The following FRAS1 variants were observed in gnomAD, a reference collection of about 807,000 sequenced individuals.
The protein encoded by FRAS1 is Fraser extracellular matrix complex subunit 1.
A neutral mutation model predicts 435.2 loss-of-function variants in FRAS1; 290 were observed. The observed-to-expected ratio is 0.67, with a 90% CI of 0.61 to 0.73. The LOEUF is 0.73. FRAS1 is among the 30% of genes least tolerant of loss of function. The pLI, the probability that FRAS1 is intolerant of heterozygous loss-of-function variation, is 0.00. For synonymous variants in FRAS1, 1,800 were observed against 1,851.0 expected (o/e 0.97, Z 0.71); for missense variants, 4,860 against 5,001.5 (o/e 0.97, Z 0.85).
intron 2 of FRAS1, among the ~76,000 whole-genome samples, chr4:78,092,899 T>C (rs1741605759): frequency 6.6e-6 from 1 of 152,218 alleles, no homozygotes; most frequent in African/African-American, 2.4e-5. Context: ...CTTTTCTATA[T>C]AACCCAGGTG....
intron 14 of FRAS1, among the ~76,000 whole-genome samples, chr4:78,303,663 T>C (rs1358652260): frequency 2.0e-5 from 3 of 152,154 alleles, no homozygotes; most frequent in Non-Finnish European, 1.5e-5. Context: ...GTTTGTCTGT[T>C]GTTGGTGTAT....
chr4:78,219,766 G>T (rs184111640), intron 2 of FRAS1, among the ~76,000 whole-genome samples: 194 of 152,258 alleles, frequency 1.3e-3, no homozygotes, highest in African/African-American at 4.4e-3. Flanking sequence ...GCCTATTTTT[G>T]CTGCCACTCC....
At chr4:78,072,911 C>T (rs763237716) in intron 2 of FRAS1, among the ~76,000 whole-genome samples, 15 of 152,018 alleles carry the variant, frequency 9.9e-5, no homozygotes, top group African/African-American at 1.9e-4. Context: ...CAAACAGAAT[C>T]GGGATGAGTT....
At chr4:78,138,562 TAAG>T (rs1720025025) in intron 2 of FRAS1, among the ~76,000 whole-genome samples, 1 of 152,222 alleles carries the variant, frequency 6.6e-6, no homozygotes, top group African/African-American at 2.4e-5. Flanking sequence ...CCAGCCTTGA[TAAG>T]AAGATCACAA....
chr4:78,503,620 T>C (rs6813790), intron 61 of FRAS1, among the ~76,000 whole-genome samples: 104,782 of 152,038 alleles, frequency 0.69, 36,695 homozygotes, highest in African/African-American at 0.82. Context: ...CTTTATTAGT[T>C]TTGCTAGTGG....
chr4:78,344,015 A>G (rs1253121486), intron 20 of FRAS1, among the ~76,000 whole-genome samples: 1 of 151,356 alleles, frequency 6.6e-6, no homozygotes, highest in Non-Finnish European at 1.5e-5. Flanking sequence ...TGATCACCAA[A>G]TCCTACCCAT....
intron 18 of FRAS1, among the ~76,000 whole-genome samples, chr4:78,330,019 T>G (rs1229121150): frequency 6.6e-6 from 1 of 152,140 alleles, no homozygotes; most frequent in Non-Finnish European, 1.5e-5. Flanking sequence ...CAAGCCTTCA[T>G]CGCCATGGCA....
chr4:78,304,534 A>C (rs1044521123), intron 14 of FRAS1, among the ~76,000 whole-genome samples: 29 of 152,060 alleles, frequency 1.9e-4, no homozygotes, highest in Non-Finnish European at 7.4e-5. Flanking sequence ...TTATTGCCAC[A>C]ATTTCAGCTC....
intron 3 of FRAS1, among the ~76,000 whole-genome samples, chr4:78,240,679 T>A (rs1359186399): frequency 1.3e-5 from 2 of 152,192 alleles, no homozygotes; most frequent in Non-Finnish European, 2.9e-5. Context: ...ATAATGTAGC[T>A]GTCATCAGCA....
intron 1 of FRAS1, among the ~76,000 whole-genome samples, chr4:78,058,640 G>T (rs145745269): frequency 1.1e-4 from 17 of 152,296 alleles, no homozygotes; most frequent in African/African-American, 4.1e-4. Flanking sequence ...AATCTCTCCA[G>T]TACGGAGAAG....
intron 2 of FRAS1, among the ~76,000 whole-genome samples, chr4:78,097,740 G>C (rs1303654621): frequency 6.6e-6 from 1 of 152,186 alleles, no homozygotes; most frequent in Non-Finnish European, 1.5e-5. Flanking sequence ...TGGGAATTCT[G>C]GGAGCTACAA....
chr4:78,175,498 G>A (rs1006951670), intron 2 of FRAS1, among the ~76,000 whole-genome samples: 2 of 152,192 alleles, frequency 1.3e-5, no homozygotes, highest in African/African-American at 4.8e-5. Flanking sequence ...CCTGAACTGG[G>A]TGATTTGAGG....
intron 2 of FRAS1, among the ~76,000 whole-genome samples, chr4:78,115,907 T>C (rs1743134304): frequency 6.6e-6 from 1 of 152,226 alleles, no homozygotes; most frequent in South Asian, 2.1e-4. Flanking sequence ...CTCTAGTTGT[T>C]TTAATTGTGA....
At chr4:78,397,944 T>A (rs1732737753) in intron 29 of FRAS1, among the ~76,000 whole-genome samples, 1 of 152,084 alleles carries the variant, frequency 6.6e-6, no homozygotes, top group South Asian at 2.1e-4. Context: ...CTTACCCTCT[T>A]CAATGCATCT....
chr4:78,195,766 G>A (rs1346383084), intron 2 of FRAS1, among the ~76,000 whole-genome samples: 2 of 152,018 alleles, frequency 1.3e-5, no homozygotes, highest in African/African-American at 2.4e-5. Flanking sequence ...CACTCAGTGC[G>A]CTGCACCCAC....
At chr4:78,277,704 A>T (rs987420202) in intron 9 of FRAS1, among the ~76,000 whole-genome samples, 2 of 152,210 alleles carry the variant, frequency 1.3e-5, no homozygotes, top group African/African-American at 4.8e-5. Context: ...TTTGTAAAAA[A>T]ATAAAAATTT....
rs200430931 is a variant in FRAS1, at chr4:78,374,267, C to T, written c.3151+16C>T. 1 of 1,370,798 alleles carries T rather than the reference C, an allele frequency of 7.3e-7. No individual in the cohort carries two copies. Among genetic ancestry groups the T allele is most frequent in the Non-Finnish European group, 1.0e-6 (1 of 998,492 alleles). The allele number at this position is 1,370,798 out of a possible 1,614,324, so 84.9% of individuals were successfully genotyped here. A position where few individuals can be genotyped will look rare whatever the true frequency, so the allele number is the denominator to read the frequency against. On this transcript the variant is annotated intron_variant, in intron 25 of 73. Coordinates refer to ENST00000512123, the MANE Select transcript of FRAS1 (RefSeq NM_025074.7). ...AAATGCACAGGTAACTTGGAGACTG[C>T]TGATTATTCTGGAAAGAAGTGAGGG...
At chr4:78,243,676 A>T (rs1214434002) in intron 3 of FRAS1, among the ~76,000 whole-genome samples, 3 of 151,836 alleles carry the variant, frequency 2.0e-5, no homozygotes, top group Non-Finnish European at 4.4e-5. Flanking sequence ...ATATATATAC[A>T]CACAAACACA....
intron 27 of FRAS1, among the ~76,000 whole-genome samples, chr4:78,380,359 G>A (rs112324584): frequency 8.8e-4 from 131 of 149,518 alleles, no homozygotes; most frequent in Admixed American, 2.4e-3. Context: ...CAGAGAGAGA[G>A]GATGGAGCAC....
Sources: gnomAD v4.1 joint callset for allele counts (sites outside exome capture counted in the v4.1 genomes callset) on GRCh38, gnomAD v4.1.1 for gene constraint, MANE v1.5 for transcripts, NCBI Gene and HGNC (gene_info 2026-07-23, HGNC 2026-07-21) for gene names.